The following OR56A4 variants were observed in gnomAD, a reference collection of about 807,000 sequenced individuals.
OR56A4 encodes olfactory receptor family 56 subfamily A member 4, also known as olfactory receptor 56A4.
Under a neutral mutation model 13.6 loss-of-function variants are expected in OR56A4, and 9 were observed. The observed-to-expected ratio is 0.66, with a 90% CI of 0.40 to 1.15. The LOEUF (loss-of-function observed/expected upper bound fraction) is 1.15, where lower values mean the gene tolerates loss of function less well. OR56A4 is among the 50% of genes most tolerant of loss of function. The pLI is 0.01. For missense variants in OR56A4, 380 were observed against 375.9 expected (o/e 1.01, Z -0.09); for synonymous variants, 167 against 153.9 (o/e 1.08, Z -0.63).
At chr11:6,003,376 T>G (rs1277213407) in intron 2 of OR56A4, among the ~76,000 whole-genome samples, 1 of 152,218 alleles carries the variant, frequency 6.6e-6, no homozygotes, top group African/African-American at 2.4e-5. Context: ...GTTTATATGA[T>G]TTCAGTACAC....
chr11:6,001,299 G>A lies in OR56A4; in HGVS notation c.*752C>T, dbSNP rs1479166898. On this transcript the variant is annotated 3_prime_UTR_variant, in exon 3 of 3. Coordinates refer to ENST00000641156, the MANE Select transcript of OR56A4 (RefSeq NM_001005179.4). ...ATTATAACGACATGAAGATGAAGAT[G>A]ATGAAGAAAAGAACATACAGCACTT... 6.6e-6 allele frequency: 1 copy of A among 152,166 alleles called. No homozygotes were observed. The highest frequency in any genetic ancestry group is 1.5e-5 in the Non-Finnish European group (1 of 68,068). 9.4% of individuals were successfully genotyped at this position (152,166 alleles called of 1,614,324 possible).
At chr11:6,004,586 A>G (rs902944756) in intron 2 of OR56A4, among the ~76,000 whole-genome samples, 1 of 152,242 alleles carries the variant, frequency 6.6e-6, no homozygotes, top group African/African-American at 2.4e-5. Context: ...TACAATATAC[A>G]TTATTTAAAA....
intron 2 of OR56A4, among the ~76,000 whole-genome samples, chr11:6,004,553 C>T (rs894002455): frequency 2.6e-5 from 4 of 152,112 alleles, no homozygotes; most frequent in African/African-American, 7.2e-5. Flanking sequence ...CTTGAATATT[C>T]CAGACTTTCT....
intron 2 of OR56A4, 79 bp downstream of exon 2, chr11:6,006,170 A>T (rs574696060): frequency 1.3e-5 from 2 of 152,184 alleles, no homozygotes; most frequent in Non-Finnish European, 2.9e-5. Context: ...ACAGGAAGAC[A>T]TATGTTCTTT....
chr11:6,002,969 G>A lies in OR56A4; in HGVS notation c.24C>T (p.Ser8=), dbSNP rs891646227. The stretch of plus-strand genomic sequence containing the variant: ...GGAGGAATTCAGAGACTGGGGCAGT[G>A]GAGTCATTGCTGGGAGATGCCATGT... MASPSND[S]TAPVSEFLLI... is the part of the protein sequence containing the mutation. The change falls in exon 3 of 3, where the codon TCC becomes TCT. Residue 8 remains serine (S), a synonymous_variant. Coordinates refer to ENST00000641156, the MANE Select transcript of OR56A4 (RefSeq NM_001005179.4). 5 of 1,614,042 alleles carry A rather than the reference G, an allele frequency of 3.1e-6. No homozygotes were observed. The highest frequency in any genetic ancestry group is 1.3e-5 in the African/African-American group (1 of 75,038).
intron 2 of OR56A4, chr11:6,003,270 G>A (rs1050856943): frequency 6.6e-6 from 4 of 604,616 alleles, no homozygotes; most frequent in Admixed American, 3.6e-5. Flanking sequence ...TAATGTTACA[G>A]GTAATAAAAT....
In OR56A4 at chr11:6,006,276, T is replaced by C. The variant is rs1848258463; in HGVS notation, c.-64A>G. The C allele has an allele frequency of 2.6e-5, 4 of 152,316 alleles. No homozygotes were observed. The highest frequency in any genetic ancestry group is 4.1e-4 in the South Asian group (2 of 4,822). 9.4% of individuals were successfully genotyped at this position (152,316 alleles called of 1,614,324 possible). A position where few individuals can be genotyped will look rare whatever the true frequency, so the allele number is the denominator to read the frequency against. ...TGTAATTCCTTAATAGCTGGAATGA[T>C]TTTTCCTCCCTCTGAATTTTCCTTA... On this transcript the variant is annotated 5_prime_UTR_variant, in exon 2 of 3. Transcript: ENST00000641156.
chr11:6,003,702 A>T (rs1157616228), intron 2 of OR56A4, among the ~76,000 whole-genome samples: 20 of 152,004 alleles, frequency 1.3e-4, no homozygotes, highest in Admixed American at 1.2e-3. Flanking sequence ...CCTGAAATCC[A>T]TTTTTTTTCC....
Position 6,000,718 on chromosome 11 carries a change from G to C in OR56A4, c.*1333C>G, listed in dbSNP as rs983028563. Reference sequence around the variant, plus strand: ...GAGAAGCATCAAATGATTGAAGAGAGAGAGCAAAATGGGAATAAGTAATTT... The same window carrying C: ...GAGAAGCATCAAATGATTGAAGAGACAGAGCAAAATGGGAATAAGTAATTT... On this transcript the variant is annotated 3_prime_UTR_variant, in exon 3 of 3. Transcript: ENST00000641156. 1 of 152,192 alleles carries C rather than the reference G, an allele frequency of 6.6e-6. No homozygotes were observed. Among genetic ancestry groups the C allele is most frequent in the Admixed American group, 6.5e-5 (1 of 15,276 alleles). 9.4% of individuals were successfully genotyped at this position (152,192 alleles called of 1,614,324 possible).
chr11:6,002,690 G>T lies in OR56A4; in HGVS notation c.303C>A (p.Phe101Leu), dbSNP rs752377013. Reference sequence around the variant, plus strand: ...AACTGTTCATGATGAACATCTGGAGGAAGCAGGCTGGGAAGCTGATCGACC... The same window carrying T: ...AACTGTTCATGATGAACATCTGGAGTAAGCAGGCTGGGAAGCTGATCGACC... ...DLRSISFPACFLQMFIMNSFL... is the reference protein window; with the variant it reads ...DLRSISFPACLLQMFIMNSFL... The change falls in exon 3 of 3, where the codon TTC becomes TTA. Residue 101 changes from phenylalanine (F) to leucine (L), a missense_variant. Coordinates refer to ENST00000641156, the MANE Select transcript of OR56A4 (RefSeq NM_001005179.4). 4 of 1,614,248 alleles carry T rather than the reference G, an allele frequency of 2.5e-6. No homozygotes were observed. The highest frequency in any genetic ancestry group is 2.5e-6 in the Non-Finnish European group (3 of 1,180,044).
chr11:6,004,992 T>C (rs1848246710), intron 2 of OR56A4, among the ~76,000 whole-genome samples: 1 of 152,064 alleles, frequency 6.6e-6, no homozygotes, highest in Admixed American at 6.6e-5. Flanking sequence ...ATAATGACAA[T>C]CATAAAATAA....
intron 2 of OR56A4, among the ~76,000 whole-genome samples, chr11:6,005,566 G>T (rs954236131): frequency 1.3e-5 from 2 of 152,040 alleles, no homozygotes; most frequent in Admixed American, 6.5e-5. Context: ...AATAGATGGT[G>T]TCTTAGACCA....
rs1848202354 is a variant in OR56A4 at position 5,999,899 on chromosome 11, G to A, written c.*2152C>T. The stretch of plus-strand genomic sequence containing the variant: ...CAAGAATAATGATTCCAGTCGGGAG[G>A]ATCAGGGAAGGAAGACCTACTGTGG... On this transcript the variant is annotated 3_prime_UTR_variant, in exon 3 of 3. Transcript: ENST00000641156. 6.6e-6 allele frequency: 1 copy of A among 152,224 alleles called. No homozygotes were observed. Among genetic ancestry groups the A allele is most frequent in the Non-Finnish European group, 1.5e-5 (1 of 68,048 alleles). 9.4% of individuals were successfully genotyped at this position (152,224 alleles called of 1,614,324 possible). A position where few individuals can be genotyped will look rare whatever the true frequency, so the allele number is the denominator to read the frequency against.
chr11:6,002,732 G>C lies in OR56A4; in HGVS notation c.261C>G (p.Ile87Met). The C allele has an allele frequency of 6.2e-7, 1 of 1,614,244 alleles. No homozygotes were observed. The highest frequency in any genetic ancestry group is 2.2e-5 in the East Asian group (1 of 44,890). The change falls in exon 3 of 3, where the codon ATC (isoleucine) becomes ATG (methionine). Residue 87 changes from isoleucine (I) to methionine (M), a missense_variant. Ile to Met is a conservative substitution (Grantham distance 10). Coordinates refer to ENST00000641156, the MANE Select transcript of OR56A4 (RefSeq NM_001005179.4). ...CLTVIPKVLA[I>M]FWFDLRSISF... The stretch of plus-strand genomic sequence containing the variant: ...TGATCGACCTGAGGTCAAACCAGAA[G>C]ATGGCCAGGACCTTGGGGATGACGG...
chr11:6,003,908 C>G (rs1228512441), intron 2 of OR56A4, among the ~76,000 whole-genome samples: 5 of 152,192 alleles, frequency 3.3e-5, no homozygotes, highest in African/African-American at 1.2e-4. Flanking sequence ...TCCAATTATC[C>G]TTAGCATATG....
Position 6,002,635 on chromosome 11 carries a change from C to T in OR56A4, c.358G>A (p.Val120Ile), listed in dbSNP as rs1211608296. 6.2e-7 allele frequency: 1 copy of T among 1,614,202 alleles called. No individual in the cohort carries two copies. Among genetic ancestry groups the T allele is most frequent in the Admixed American group, 1.7e-5 (1 of 60,032 alleles). The change falls in exon 3 of 3, where the codon GTC (valine) becomes ATC (isoleucine). Residue 120 changes from valine to isoleucine, a missense_variant. Transcript: ENST00000641156. Reference protein sequence around the residue: ...FLTMESCTFMVMAYDRYVAIC... With the variant: ...FLTMESCTFMIMAYDRYVAIC... ...GCCACATAACGGTCATAGGCCATGA[C>T]CATGAACGTGCAGGACTCCATGGTC...
At position 6,000,563 on chromosome 11, in the gene OR56A4, T is replaced by C. The variant is rs1052345269; in HGVS notation, c.*1488A>G. 6.6e-6 allele frequency: 1 copy of C among 152,092 alleles called. No homozygotes were observed. The highest frequency in any genetic ancestry group is 2.4e-5 in the African/African-American group (1 of 41,402). 9.4% of individuals were successfully genotyped at this position (152,092 alleles called of 1,614,324 possible). On this transcript the variant is annotated 3_prime_UTR_variant, in exon 3 of 3. Transcript: ENST00000641156. Reference sequence around the variant, plus strand: ...CGCCAACATGGCACATGTATACATATGTAACAAACCTGCACATTGTGCACA... The same window carrying C: ...CGCCAACATGGCACATGTATACATACGTAACAAACCTGCACATTGTGCACA...
rs769668588 is a variant in OR56A4, at chr11:6,002,927, G to A, written c.66C>T (p.Asn22=). 1.2e-6 allele frequency: 2 copies of A among 1,613,978 alleles called. No individual in the cohort carries two copies. The highest frequency in any genetic ancestry group is 1.7e-5 in the Admixed American group (1 of 60,006). The change falls in exon 3 of 3, where the codon AAC becomes AAT. Residue 22 remains asparagine (N), a synonymous_variant. Transcript: ENST00000641156. ...ACAACCAGTGCTGCCAGCTCTGGAAGTTGGGGAAGCAGATGAGGAGGAATT... is the reference window on the plus strand; with the variant it reads ...ACAACCAGTGCTGCCAGCTCTGGAAATTGGGGAAGCAGATGAGGAGGAATT... ...VSEFLLICFP[N]FQSWQHWLSL... is the part of the protein sequence containing the mutation.
chr11:6,000,963 A>C lies in OR56A4; in HGVS notation c.*1088T>G, dbSNP rs1309075967. 1 of 152,262 alleles carries C rather than the reference A, an allele frequency of 6.6e-6. No homozygotes were observed. The highest frequency in any genetic ancestry group is 2.4e-5 in the African/African-American group (1 of 41,480). 9.4% of individuals were successfully genotyped at this position (152,262 alleles called of 1,614,324 possible). A position where few individuals can be genotyped will look rare whatever the true frequency, so the allele number is the denominator to read the frequency against. Reference sequence around the variant, plus strand: ...GGAAGTAGGATAGTCCAGTTGGGACAGTTGTCAAACAATGCCTGGACAAAT... The same window carrying C: ...GGAAGTAGGATAGTCCAGTTGGGACCGTTGTCAAACAATGCCTGGACAAAT... On this transcript the variant is annotated 3_prime_UTR_variant, in exon 3 of 3. Coordinates refer to ENST00000641156, the MANE Select transcript of OR56A4 (RefSeq NM_001005179.4).
Sources: allele counts gnomAD v4.1 joint callset (sites outside exome capture counted in the v4.1 genomes callset), GRCh38; gene constraint gnomAD v4.1.1; transcripts MANE v1.5; gene names NCBI Gene and HGNC (gene_info 2026-07-23, HGNC 2026-07-21).